The following PHC2 variants were observed in gnomAD, a reference collection of about 807,000 sequenced individuals.
PHC2 encodes polyhomeotic-like protein 2.
Under a neutral mutation model 87.4 loss-of-function variants are expected in PHC2, and 29 were observed. The observed-to-expected ratio is 0.33, with a 90% CI of 0.25 to 0.45. The LOEUF is 0.45. Ranked by LOEUF, PHC2 falls within the 20% of genes least tolerant of loss-of-function variation. PHC2 has a pLI of 1.00. For missense variants in PHC2, 857 were observed against 1,136.7 expected (o/e 0.75, Z 3.54); for synonymous variants, 438 against 461.7 (o/e 0.95, Z 0.66).
chr1:33,421,567 C>T (rs926398301), intron 1 of PHC2, among the ~76,000 whole-genome samples: 1 of 152,108 alleles, frequency 6.6e-6, no homozygotes, highest in Non-Finnish European at 1.5e-5. Flanking sequence ...TTTCAACATA[C>T]CAGAACCCCA....
Position 33,349,134 on chromosome 1 carries a change from A to G in PHC2, c.1558+5267T>C. 2 of 985,424 alleles carry G rather than the reference A, an allele frequency of 2.0e-6. No homozygotes were observed. The highest frequency in any genetic ancestry group is 2.4e-6 in the Non-Finnish European group (2 of 829,886). 61.0% of individuals were successfully genotyped at this position (985,424 alleles called of 1,614,324 possible). On this transcript the variant is annotated intron_variant, in intron 9 of 14. Coordinates refer to ENST00000683057, the MANE Select transcript of PHC2 (RefSeq NM_001385109.1). The surrounding 1 kb of genome is among the most constrained non-coding windows in gnomAD (Gnocchi z 4.2). ...CAGAACAGCTTGTCCCTTTCCATCC[A>G]ATTAAAAACCTCGTGAGACTGAACT... is the stretch of plus-strand genomic sequence containing the variant.
intron 1 of PHC2, among the ~76,000 whole-genome samples, chr1:33,430,622 GCCCGTTCCCGTT>G (rs1650873126): frequency 6.6e-6 from 1 of 152,110 alleles, no homozygotes; most frequent in African/African-American, 2.4e-5. Context: ...CGGGACCTTG[GCCCGTTCCCGTT>G]CCGGTTCCCG....
intron 1 of PHC2, among the ~76,000 whole-genome samples, chr1:33,389,740 G>A (rs1028854640): frequency 6.6e-6 from 1 of 152,088 alleles, no homozygotes; most frequent in African/African-American, 2.4e-5. Context: ...TGTGACCACC[G>A]GCCTTTTGCT....
intron 2 of PHC2, among the ~76,000 whole-genome samples, chr1:33,374,538 G>A (rs1013820183): frequency 7.9e-5 from 12 of 152,174 alleles, no homozygotes; most frequent in African/African-American, 2.7e-4. Flanking sequence ...ACTGTCTGTT[G>A]TGGGTTCTCC....
chr1:33,425,495 A>C (rs1182943042), intron 1 of PHC2, among the ~76,000 whole-genome samples: 1 of 152,260 alleles, frequency 6.6e-6, no homozygotes, highest in Non-Finnish European at 1.5e-5. Context: ...GGTATGAAAA[A>C]GACATGGTCC....
intron 1 of PHC2, among the ~76,000 whole-genome samples, chr1:33,409,379 A>C (rs1649893252): frequency 6.6e-6 from 1 of 152,220 alleles, no homozygotes; most frequent in Non-Finnish European, 1.5e-5. Flanking sequence ...AGTTTAAGAA[A>C]GAGTGTGTAA....
At chr1:33,428,736 A>G (rs929218581) in intron 1 of PHC2, among the ~76,000 whole-genome samples, 3 of 152,252 alleles carry the variant, frequency 2.0e-5, no homozygotes, top group African/African-American at 7.2e-5. Context: ...AAGAAGCCCA[A>G]TGCATGAGAC....
intron 9 of PHC2, among the ~76,000 whole-genome samples, chr1:33,348,008 CT>C (rs1646877728): frequency 6.6e-6 from 1 of 152,236 alleles, no homozygotes; most frequent in Admixed American, 6.5e-5. Flanking sequence ...GTTAAAATCA[CT>C]TTTATATTCC....
At chr1:33,400,460 T>TC (rs1312121981) in intron 1 of PHC2, among the ~76,000 whole-genome samples, 2 of 152,260 alleles carry the variant, frequency 1.3e-5, no homozygotes, top group African/African-American at 4.8e-5. Context: ...TAACATTTAT[T>TC]AAGCACTTAC....
intron 1 of PHC2, among the ~76,000 whole-genome samples, chr1:33,395,425 G>A (rs1649253802): frequency 6.7e-6 from 1 of 149,384 alleles, no homozygotes; most frequent in Non-Finnish European, 1.5e-5. Flanking sequence ...GCATTTTGTT[G>A]TATATACATT....
chr1:33,395,661 C>T (rs1347846868), intron 1 of PHC2, among the ~76,000 whole-genome samples: 6 of 152,142 alleles, frequency 3.9e-5, no homozygotes, highest in Admixed American at 6.5e-5. Context: ...GGATAGGATA[C>T]ATGTGACATT....
At chr1:33,353,833 C>T (rs549938792) in intron 9 of PHC2, among the ~76,000 whole-genome samples, 1 of 152,260 alleles carries the variant, frequency 6.6e-6, no homozygotes, top group East Asian at 1.9e-4. Context: ...GGTGAAGGGA[C>T]CCAGCAGAGT....
intron 7 of PHC2, among the ~76,000 whole-genome samples, chr1:33,362,011 C>G (rs1647205381): frequency 6.6e-6 from 1 of 152,216 alleles, no homozygotes; most frequent in Non-Finnish European, 1.5e-5. Flanking sequence ...AAACTGGGGT[C>G]TGAAACCAGG....
Position 33,339,648 on chromosome 1 carries a change from C to G in PHC2, c.1559-5356G>C, listed in dbSNP as rs527381205. 3.9e-5 allele frequency among the ~76,000 whole-genome samples: 6 copies of G among 152,324 alleles called. No homozygotes were observed. In the South Asian group the frequency reaches 1.2e-3, roughly 32 times the overall value. On this transcript the variant is annotated intron_variant, in intron 9 of 14. Coordinates refer to ENST00000683057, the MANE Select transcript of PHC2 (RefSeq NM_001385109.1). ...TGTCCAGAGCTGACGGGCTCTCCAG[C>G]CTGCTGAGGACAGACGTCAGGCTGG...
intron 1 of PHC2, among the ~76,000 whole-genome samples, chr1:33,386,217 C>T (rs1306448832): frequency 6.6e-6 from 1 of 151,386 alleles, no homozygotes; most frequent in African/African-American, 2.4e-5. Context: ...AAAAAGACTG[C>T]TATAAAAAAA....
chr1:33,377,467 G>A (rs55772921), intron 1 of PHC2, among the ~76,000 whole-genome samples: 15,508 of 152,106 alleles, frequency 0.1, 1,052 homozygotes, highest in East Asian at 0.28. Flanking sequence ...CTGTGTGCTT[G>A]GCAGTGGAGA....
chr1:33,375,287 C>T (rs1000074697), intron 2 of PHC2, 79 bp downstream of exon 2: 1 of 1,225,498 alleles, frequency 8.2e-7, no homozygotes, highest in African/African-American at 1.5e-5. Flanking sequence ...ATTATCCCAC[C>T]AGACCATGCC....
chr1:33,346,161 T>A (rs1042646466), intron 9 of PHC2: 1 of 965,834 alleles, frequency 1.0e-6, no homozygotes, highest in South Asian at 4.9e-5. Context: ...TGGCACAAAG[T>A]CCCCATCAGA....
intron 1 of PHC2, among the ~76,000 whole-genome samples, chr1:33,390,540 G>A (rs945834586): frequency 4.6e-5 from 7 of 152,142 alleles, no homozygotes; most frequent in African/African-American, 9.6e-5. Context: ...ACCACCATCC[G>A]CCCCTTCCCA....
Sources: allele counts gnomAD v4.1 joint callset (sites outside exome capture counted in the v4.1 genomes callset), GRCh38; gene constraint gnomAD v4.1.1; non-coding constraint Gnocchi (gnomAD v3.1); transcripts MANE v1.5; gene names NCBI Gene and HGNC (gene_info 2026-07-23, HGNC 2026-07-21).